Variants in RGPD2 observed in about 807,000 individuals in gnomAD.
RGPD2 encodes RANBP2-like and GRIP domain-containing protein 2.
In RGPD2, 2 loss-of-function variants were observed where a neutral mutation model predicts 36.0. The observed-to-expected ratio is 0.06, with a 90% confidence interval of 0.02 to 0.17. The LOEUF (loss-of-function observed/expected upper bound fraction) is 0.17. Among genes scored for constraint, RGPD2 ranks in the 10% least tolerant of loss-of-function variants. The pLI is 1.00. For missense variants in RGPD2, 40 were observed against 464.3 expected (o/e 0.09, Z 8.40); for synonymous variants, 19 against 163.8 (o/e 0.12, Z 6.75).
the RGPD2 span, among the ~76,000 whole-genome samples, chr2:87,937,800 T>C: frequency 6.6e-6 from 1 of 151,952 alleles, no homozygotes; most frequent in Non-Finnish European, 1.5e-5. Flanking sequence ...GGGAAGAAAC[T>C]AGGGGACTGT....
the RGPD2 span, among the ~76,000 whole-genome samples, chr2:87,872,338 A>G: frequency 1.3e-5 from 2 of 152,272 alleles, no homozygotes; most frequent in African/African-American, 4.8e-5. Flanking sequence ...AACCAAGGGG[A>G]AAATCACACA....
intron 22 of RGPD2, among the ~76,000 whole-genome samples, chr2:87,771,806 GA>G (rs1404539800): frequency 8.0e-6 from 1 of 125,154 alleles, no homozygotes; most frequent in African/African-American, 3.2e-5. Flanking sequence ...GAGGAAGGAA[GA>G]GGGGTGAAGT....
chr2:87,935,713 G>GC, the RGPD2 span, among the ~76,000 whole-genome samples: 2 of 148,702 alleles, frequency 1.3e-5, no homozygotes. Flanking sequence ...TTTGAATGAA[G>GC]AAAATAAACT....
chr2:87,824,474 T>C (rs1470342589), intron 1 of RGPD2, among the ~76,000 whole-genome samples: 1 of 151,958 alleles, frequency 6.6e-6, no homozygotes, highest in Admixed American at 6.5e-5. Context: ...GGGAGAATAC[T>C]AACCTCTTTA....
the RGPD2 span, among the ~76,000 whole-genome samples, chr2:87,928,967 A>G: frequency 6.6e-6 from 1 of 151,790 alleles, no homozygotes; most frequent in African/African-American, 2.4e-5. Flanking sequence ...CTAGACGAAT[A>G]GTTTGCAGAT....
chr2:87,984,929 CAAAAAAAAAA>C, the RGPD2 span, among the ~76,000 whole-genome samples: 1 of 68,694 alleles, frequency 1.5e-5, no homozygotes, highest in African/African-American at 5.9e-5. Context: ...CATTCTGTCT[CAAAAAAAAAA>C]AAAAAAAAAA....
At chr2:87,883,181 GGAAA>G in the RGPD2 span, among the ~76,000 whole-genome samples, 1 of 151,892 alleles carries the variant, frequency 6.6e-6, no homozygotes, top group Non-Finnish European at 1.5e-5. Flanking sequence ...AGTAAAAAAT[GGAAA>G]GAGAGTAAAA....
the RGPD2 span, among the ~76,000 whole-genome samples, chr2:87,952,587 T>G: frequency 2.0e-5 from 3 of 152,170 alleles, no homozygotes; most frequent in African/African-American, 7.2e-5. Context: ...TGGTCACAAT[T>G]AGATAATAAG....
chr2:87,988,321 A>T, the RGPD2 span, among the ~76,000 whole-genome samples: 1 of 132,786 alleles, frequency 7.5e-6, no homozygotes, highest in South Asian at 2.7e-4. Context: ...GTATTTTGAC[A>T]ATAATATTAA....
the RGPD2 span, among the ~76,000 whole-genome samples, chr2:87,937,786 C>T: frequency 6.6e-6 from 1 of 151,834 alleles, no homozygotes; most frequent in East Asian, 1.9e-4. Flanking sequence ...AAAGAAAAGG[C>T]AAAGGGAAGA....
the RGPD2 span, among the ~76,000 whole-genome samples, chr2:87,938,422 T>A: frequency 1.4e-5 from 2 of 141,756 alleles, no homozygotes; most frequent in Admixed American, 7.2e-5. Context: ...TTATGAAGAA[T>A]TTAAAAATAA....
chr2:87,883,965 A>G, the RGPD2 span, among the ~76,000 whole-genome samples: 109,965 of 148,522 alleles, frequency 0.74, 40,697 homozygotes, highest in East Asian at 0.9. Flanking sequence ...ATATATACAG[A>G]ACATTCCACC....
intron 1 of RGPD2, among the ~76,000 whole-genome samples, chr2:87,824,024 TA>T (rs1399310115): frequency 2.8e-5 from 4 of 143,244 alleles, no homozygotes; most frequent in South Asian, 4.7e-4. Flanking sequence ...TATATTTTTT[TA>T]TTTTTTTATT....
At chr2:87,857,993 C>T in the RGPD2 span, among the ~76,000 whole-genome samples, 2 of 152,204 alleles carry the variant, frequency 1.3e-5, no homozygotes, top group Admixed American at 6.5e-5. Flanking sequence ...TTTTGACATA[C>T]TAAAATATAT....
chr2:87,844,569 CAG>C, the RGPD2 span, among the ~76,000 whole-genome samples: 3 of 150,044 alleles, frequency 2.0e-5, no homozygotes, highest in Admixed American at 1.3e-4. Flanking sequence ...TTTTAGGTGA[CAG>C]AATAATTTTT....
At chr2:87,818,020 TAAAAAA>T (rs1175812254) in intron 2 of RGPD2, among the ~76,000 whole-genome samples, 1 of 65,356 alleles carries the variant, frequency 1.5e-5, no homozygotes, top group Non-Finnish European at 3.0e-5. Context: ...AGATACTGAC[TAAAAAA>T]AAAAAAAAAA....
chr2:87,825,512 G>GTCGCCGCC (rs1686726442), intron 1 of RGPD2, 146 bp downstream of exon 1: 3 of 123,452 alleles, frequency 2.4e-5, no homozygotes, highest in African/African-American at 2.2e-4. Context: ...CCGAGGCCGA[G>GTCGCCGCC]GCCGCCGCCC....
At chr2:87,965,757 CAGG>C in the RGPD2 span, among the ~76,000 whole-genome samples, 1 of 124,904 alleles carries the variant, frequency 8.0e-6, no homozygotes, top group African/African-American at 2.7e-5. Flanking sequence ...TCATGTCTTC[CAGG>C]AGATCATGCT....
the RGPD2 span, among the ~76,000 whole-genome samples, chr2:87,913,064 G>A: frequency 1.3e-5 from 2 of 152,116 alleles, no homozygotes; most frequent in African/African-American, 4.8e-5. Context: ...AAAATGGTAA[G>A]TGAAAATAAT....
Sources: allele counts gnomAD v4.1 joint callset (sites outside exome capture counted in the v4.1 genomes callset), GRCh38; gene constraint gnomAD v4.1.1; transcripts MANE v1.5; gene names NCBI Gene and HGNC (gene_info 2026-07-23, HGNC 2026-07-21).